Variants in MMRN1 observed in about 807,000 individuals in gnomAD.
MMRN1 encodes the protein multimerin-1.
A neutral mutation model predicts 100.7 loss-of-function variants in MMRN1; 94 were observed. The ratio of observed to expected loss-of-function variants is 0.93; its 90% CI spans 0.79 to 1.11. The LOEUF is 1.11. MMRN1 is among the 50% of genes least tolerant of loss of function. The pLI is 0.00. For synonymous variants in MMRN1, 575 were observed against 505.0 expected, an observed-to-expected ratio of 1.14 and a Z score of -1.86; for missense variants, 1,606 against 1,439.1, an observed-to-expected ratio of 1.12 and a Z score of -1.88.
chr4:89,895,504 C>G lies in MMRN1; in HGVS notation c.533C>G (p.Ala178Gly). ...VGGTGGVGNR[A>G]PRETYLSRGD... Reference sequence around the variant, plus strand: ...GGCACTGGAGGCGTGGGAAATCGAGCCCCACGGGAAACATACCTCAGCCGG... The same window carrying G: ...GGCACTGGAGGCGTGGGAAATCGAGGCCCACGGGAAACATACCTCAGCCGG... The change falls in exon 1 of 8, where the codon GCC becomes GGC. Residue 178 changes from alanine (A) to glycine (G), a missense_variant. By Grantham distance (60) the Ala-to-Gly change is moderately conservative. Coordinates refer to ENST00000264790, the MANE Select transcript of MMRN1 (RefSeq NM_007351.3). 1 of 1,613,764 alleles carries G rather than the reference C, an allele frequency of 6.2e-7. No individual in the cohort carries two copies. The highest frequency in any genetic ancestry group is 2.2e-5 in the East Asian group (1 of 44,754).
chr4:89,920,816 G>A (rs112719780), intron 3 of MMRN1, among the ~76,000 whole-genome samples: 1 of 151,314 alleles, frequency 6.6e-6, no homozygotes, highest in South Asian at 2.1e-4. Flanking sequence ...TGTTTTTTTT[G>A]TTTGTTTGTT....
intron 1 of MMRN1, among the ~76,000 whole-genome samples, chr4:89,899,691 C>T (rs1721321097): frequency 6.6e-6 from 1 of 152,036 alleles, no homozygotes; most frequent in African/African-American, 2.4e-5. Context: ...TAATTTTTAC[C>T]AAATCAGTGA....
At chr4:89,908,007 C>A (rs770627766) in intron 1 of MMRN1, among the ~76,000 whole-genome samples, 1 of 151,022 alleles carries the variant, frequency 6.6e-6, no homozygotes, top group Non-Finnish European at 1.5e-5. Context: ...TTCAAGGGCA[C>A]CCCTATATTG....
At chr4:89,936,869 T>C in intron 6 of MMRN1, 71 bp downstream of exon 6, 1 of 1,379,954 alleles carries the variant, frequency 7.2e-7, no homozygotes, top group Non-Finnish European at 9.7e-7. Flanking sequence ...ATCTGTACAG[T>C]TGAGCAAGAC....
At chr4:89,882,388 T>G (rs1356680323) in intron 1 of MMRN1, among the ~76,000 whole-genome samples, 1 of 151,630 alleles carries the variant, frequency 6.6e-6, no homozygotes, top group African/African-American at 2.4e-5. Context: ...AGTTTTAAAT[T>G]TATGTGCATT....
intron 3 of MMRN1, among the ~76,000 whole-genome samples, chr4:89,913,179 A>G (rs1031633548): frequency 1.3e-5 from 2 of 151,268 alleles, no homozygotes; most frequent in Non-Finnish European, 3.0e-5. Context: ...GGTAAAACAT[A>G]TTTGTGTCTA....
At chr4:89,917,565 T>A (rs1297267446) in intron 3 of MMRN1, among the ~76,000 whole-genome samples, 2 of 151,950 alleles carry the variant, frequency 1.3e-5, no homozygotes, top group African/African-American at 2.4e-5. Flanking sequence ...GTAATATACA[T>A]CATACCAAAA....
chr4:89,888,857 C>G (rs1447382448), intron 1 of MMRN1, among the ~76,000 whole-genome samples: 1 of 152,096 alleles, frequency 6.6e-6, no homozygotes, highest in African/African-American at 2.4e-5. Flanking sequence ...TTCAATACCA[C>G]ATTCTATCAT....
intron 7 of MMRN1, among the ~76,000 whole-genome samples, chr4:89,952,211 T>G (rs1198444609): frequency 6.6e-6 from 1 of 152,200 alleles, no homozygotes; most frequent in Non-Finnish European, 1.5e-5. Flanking sequence ...CCATTTTGAC[T>G]GTGTGAGAAC....
upstream of MMRN1, among the ~76,000 whole-genome samples, chr4:89,892,565 A>G (rs1348136914): frequency 2.0e-5 from 3 of 151,696 alleles, no homozygotes; most frequent in African/African-American, 4.9e-5. Context: ...TGATCCATAT[A>G]CCCAAAATCA....
intron 1 of MMRN1, among the ~76,000 whole-genome samples, chr4:89,884,459 G>C (rs1461989975): frequency 6.6e-6 from 1 of 152,048 alleles, no homozygotes; most frequent in Non-Finnish European, 1.5e-5. Context: ...ATTATAAATG[G>C]AACTTTAATG....
intron 5 of MMRN1, among the ~76,000 whole-genome samples, chr4:89,930,789 T>C (rs1005988478): frequency 2.6e-5 from 4 of 152,088 alleles, no homozygotes; most frequent in African/African-American, 9.6e-5. Context: ...AAATTTTACT[T>C]ACTCTATATA....
At chr4:89,914,316 G>A (rs1028756580) in intron 3 of MMRN1, among the ~76,000 whole-genome samples, 1 of 151,156 alleles carries the variant, frequency 6.6e-6, no homozygotes. Context: ...TGGGGATGTG[G>A]ATCCATCTCG....
At chr4:89,918,035 AT>A (rs1376156627) in intron 3 of MMRN1, among the ~76,000 whole-genome samples, 2 of 151,728 alleles carry the variant, frequency 1.3e-5, no homozygotes, top group African/African-American at 2.4e-5. Flanking sequence ...TATTTATTGC[AT>A]TTTTTTAGTT....
chr4:89,882,761 A>G (rs1166877063), intron 1 of MMRN1, among the ~76,000 whole-genome samples: 2 of 151,982 alleles, frequency 1.3e-5, no homozygotes, highest in Non-Finnish European at 2.9e-5. Context: ...TAAAAACTTA[A>G]TGTGTAATAT....
chr4:89,926,708 C>G (rs6812172), intron 4 of MMRN1, among the ~76,000 whole-genome samples: 1 of 151,964 alleles, frequency 6.6e-6, no homozygotes, highest in Non-Finnish European at 1.5e-5. Flanking sequence ...TTTGCCTAGA[C>G]CAAATGTCCT....
chr4:89,906,660 C>T (rs77488136), intron 1 of MMRN1, among the ~76,000 whole-genome samples: 1 of 151,452 alleles, frequency 6.6e-6, no homozygotes, highest in South Asian at 2.1e-4. Flanking sequence ...TATTTTTAAA[C>T]CTACATTTTC....
chr4:89,940,954 C>A (rs1722803273), intron 6 of MMRN1, among the ~76,000 whole-genome samples: 1 of 152,006 alleles, frequency 6.6e-6, no homozygotes, highest in African/African-American at 2.4e-5. Flanking sequence ...TTATGGTCAT[C>A]ATGCAATGAT....
At chr4:89,884,682 G>T (rs1424865906) in intron 1 of MMRN1, among the ~76,000 whole-genome samples, 2 of 151,990 alleles carry the variant, frequency 1.3e-5, no homozygotes, top group African/African-American at 4.8e-5. Flanking sequence ...GTGCAGCCTA[G>T]AACTCCTGGG....
Sources: gnomAD v4.1 joint callset for allele counts (sites outside exome capture counted in the v4.1 genomes callset) on GRCh38, gnomAD v4.1.1 for gene constraint, MANE v1.5 for transcripts, NCBI Gene and HGNC (gene_info 2026-07-23, HGNC 2026-07-21) for gene names.